Variants in PDCD6 observed in about 807,000 individuals in gnomAD.
PDCD6 encodes programmed cell death 6.
A neutral mutation model predicts 28.3 loss-of-function variants in PDCD6; 12 were observed. The ratio of observed to expected loss-of-function variants is 0.42; its 90% confidence interval spans 0.27 to 0.69. The LOEUF (loss-of-function observed/expected upper bound fraction) is 0.69. Ranked by LOEUF, PDCD6 falls within the 30% of genes least tolerant of loss-of-function variation. The pLI, the probability that PDCD6 is intolerant of heterozygous loss-of-function variation, is 0.22. For missense variants in PDCD6, 226 were observed against 269.9 expected (o/e 0.84, Z 1.14); for synonymous variants, 92 against 108.0 (o/e 0.85, Z 0.92).
chr5:299,679 A>G (rs933534205), intron 2 of PDCD6, among the ~76,000 whole-genome samples: 7 of 151,788 alleles, frequency 4.6e-5, no homozygotes, highest in Admixed American at 4.6e-4. Context: ...CCCCCCGAGT[A>G]GCTGGGACTA....
intron 2 of PDCD6, among the ~76,000 whole-genome samples, chr5:291,194 A>G (rs1739292570): frequency 6.6e-6 from 1 of 152,052 alleles, no homozygotes; most frequent in African/African-American, 2.4e-5. Context: ...GTATCTGCAC[A>G]TCCCTAAAAA....
At chr5:275,602 C>T (rs1438957713) in intron 2 of PDCD6, among the ~76,000 whole-genome samples, 1 of 152,184 alleles carries the variant, frequency 6.6e-6, no homozygotes, top group Non-Finnish European at 1.5e-5. Flanking sequence ...TTCTTCTCAA[C>T]CAATATGATT....
chr5:275,734 A>G (rs901228039), intron 2 of PDCD6, among the ~76,000 whole-genome samples: 3 of 152,186 alleles, frequency 2.0e-5, no homozygotes, highest in Non-Finnish European at 4.4e-5. Flanking sequence ...GGCAGTGGGC[A>G]TTGCTGTCGG....
chr5:283,352 G>T (rs77948857), intron 2 of PDCD6, among the ~76,000 whole-genome samples: 2 of 130,528 alleles, frequency 1.5e-5, no homozygotes, highest in African/African-American at 6.7e-5. Flanking sequence ...GATCATGGAG[G>T]TGAAAACCCG....
chr5:286,196 T>C (rs994325332), intron 2 of PDCD6, among the ~76,000 whole-genome samples: 2 of 150,048 alleles, frequency 1.3e-5, no homozygotes, highest in Non-Finnish European at 3.0e-5. Flanking sequence ...AGGTGGGAGC[T>C]GATGTTCCGG....
At chr5:289,102 AT>A in intron 2 of PDCD6, 2 of 1,174,132 alleles carry the variant, frequency 1.7e-6, no homozygotes, top group Non-Finnish European at 2.5e-6. Flanking sequence ...TCATCAGATT[AT>A]TTTTCTTGAT....
intron 2 of PDCD6, among the ~76,000 whole-genome samples, chr5:299,723 G>A (rs1395849816): frequency 1.3e-5 from 2 of 151,988 alleles, no homozygotes; most frequent in African/African-American, 4.8e-5. Flanking sequence ...CTAATTTTTT[G>A]TATTTTTAGT....
Position 272,714 on chromosome 5 carries a change from C to T in PDCD6, c.105C>T (p.Val35=), listed in dbSNP as rs145036962. Reference sequence around the variant, plus strand: ...TTTGGTCTTCTTGATGTTATAGGGTCGATAAAGACAGGAGTGGAGTGATAT... The same window carrying T: ...TTTGGTCTTCTTGATGTTATAGGGTTGATAAAGACAGGAGTGGAGTGATAT... ...QSFLWNVFQR[V]DKDRSGVISD... Residue 35 remains valine (V), a synonymous_variant, in exon 2 of 6, where the codon GTC becomes GTT. Transcript: ENST00000264933. The T allele has an allele frequency of 1.1e-3, 1,664 of 1,574,744 alleles. 19 individuals are homozygous for T. Among genetic ancestry groups the T allele is most frequent in the Non-Finnish European group, 1.2e-3 (1,355 of 1,161,056 alleles).
rs1740891489 is a variant in PDCD6, at chr5:311,200, T to TA, written c.368-92dup. The TA allele has an allele frequency of 3.7e-5, 33 of 896,566 alleles. No individual in the cohort carries two copies. The South Asian group carries it at 4.4e-4, about 12-fold the overall frequency. 55.5% of individuals were successfully genotyped at this position (896,566 alleles called of 1,614,324 possible). A position where few individuals can be genotyped will look rare whatever the true frequency, so the allele number is the denominator to read the frequency against. On this transcript the variant is annotated intron_variant, in intron 4 of 5. Transcript: ENST00000264933. ...CCACACAGCCTTGCATTGTGTGTGTTAGAGGCTGTGGGCCTTGGGCAGGAG... is the reference window on the plus strand; with the variant it reads ...CCACACAGCCTTGCATTGTGTGTGTTAAGAGGCTGTGGGCCTTGGGCAGGAG...
At chr5:275,089 G>C (rs1738103075) in intron 2 of PDCD6, among the ~76,000 whole-genome samples, 1 of 151,978 alleles carries the variant, frequency 6.6e-6, no homozygotes, top group Non-Finnish European at 1.5e-5. Context: ...GTGGGATGAA[G>C]CCCCACCGCC....
chr5:298,751 A>AGCTACTCC (rs1739790433), intron 2 of PDCD6, among the ~76,000 whole-genome samples: 1 of 710 alleles, frequency 1.4e-3, no homozygotes, highest in Non-Finnish European at 3.2e-3. Context: ...CCAGCTGCTC[A>AGCTACTCC]CCCCCAACTG....
intron 4 of PDCD6, chr5:308,995 T>A (rs1361509751): frequency 6.5e-6 from 1 of 154,112 alleles, no homozygotes; most frequent in African/African-American, 2.4e-5. Flanking sequence ...GCCGGTGAGA[T>A]TCTCCCCTCT....
At chr5:292,647 A>G (rs1243958580) in intron 2 of PDCD6, among the ~76,000 whole-genome samples, 1 of 152,176 alleles carries the variant, frequency 6.6e-6, no homozygotes. Context: ...CCACCAGGAT[A>G]AATGTGCAGG....
At chr5:304,295 T>C (rs1447609428) in intron 3 of PDCD6, 74 bp downstream of exon 3, 1 of 911,040 alleles carries the variant, frequency 1.1e-6, no homozygotes, top group East Asian at 2.6e-5. Context: ...GTGTTTCCTT[T>C]GTCTGTGGGT....
At chr5:300,124 C>T (rs1739959954) in intron 2 of PDCD6, among the ~76,000 whole-genome samples, 2 of 152,206 alleles carry the variant, frequency 1.3e-5, no homozygotes, top group Non-Finnish European at 2.9e-5. Flanking sequence ...CCAGGAGGGG[C>T]CCTTGGCTGG....
intron 2 of PDCD6, among the ~76,000 whole-genome samples, chr5:299,968 T>G (rs1259493253): frequency 1.3e-5 from 2 of 152,138 alleles, no homozygotes; most frequent in African/African-American, 4.8e-5. Flanking sequence ...AAAGTACATG[T>G]CCAGTCCCAT....
In PDCD6 at chr5:298,791, T is replaced by TCC. The variant is rs1385681531; in HGVS notation, c.164-5382_164-5381dup. Among the ~76,000 whole-genome samples, 22 of 3,864 alleles carry TCC rather than the reference T, an allele frequency of 5.7e-3. 3 individuals are homozygous for TCC. In the South Asian group the frequency reaches 0.058, roughly 10 times the overall value. The allele number at this position is 3,864 out of a possible 152,430, so 2.5% of individuals were successfully genotyped here. A position where few individuals can be genotyped will look rare whatever the true frequency, so the allele number is the denominator to read the frequency against. ...CCCCCAGCTGCTCCCCCCCAGCTGC[T>TCC]CCCCCAGCTGCTCCCCCCTAGCTGC... On this transcript the variant is annotated intron_variant, in intron 2 of 5. Coordinates refer to ENST00000264933, the MANE Select transcript of PDCD6 (RefSeq NM_013232.4).
intron 2 of PDCD6, among the ~76,000 whole-genome samples, chr5:294,756 C>T (rs1417741713): frequency 6.6e-6 from 1 of 152,244 alleles, no homozygotes; most frequent in Middle Eastern, 3.2e-3. Context: ...GTTTAGGCCT[C>T]ATTCCTCATT....
intron 2 of PDCD6, among the ~76,000 whole-genome samples, chr5:302,884 C>G (rs1236948996): frequency 1.8e-4 from 24 of 136,402 alleles, no homozygotes; most frequent in South Asian, 2.5e-4. Context: ...GAGTGCTGCT[C>G]TGTGTGTATG....
Sources: allele counts gnomAD v4.1 joint callset (sites outside exome capture counted in the v4.1 genomes callset), GRCh38; gene constraint gnomAD v4.1.1; transcripts MANE v1.5; gene names NCBI Gene and HGNC (gene_info 2026-07-23, HGNC 2026-07-21).